IQGAP1: variants seen among roughly 807,000 people sequenced by gnomAD.
IQGAP1 encodes the protein IQ motif containing GTPase activating protein 1.
IQGAP1 carries 66 observed loss-of-function variants against 215.6 expected under a neutral mutation model. That is an observed-to-expected ratio of 0.31 (90% CI 0.25 to 0.38). The LOEUF is 0.38. Among genes scored for constraint, IQGAP1 ranks in the 10% least tolerant of loss-of-function variants. The probability of loss-of-function intolerance (pLI) is 1.00; values close to 1 mark genes in which losing one functional copy is unlikely to be tolerated. For missense variants in IQGAP1, 1,712 were observed against 1,997.1 expected (o/e 0.86, Z 2.72); for synonymous variants, 772 against 728.7 (o/e 1.06, Z -0.96).
chr15:90,492,038 C>CTT (rs1248887574), intron 34 of IQGAP1, among the ~76,000 whole-genome samples: 1 of 152,146 alleles, frequency 6.6e-6, no homozygotes, highest in Admixed American at 6.5e-5. Flanking sequence ...TCCAAACCAG[C>CTT]TTTGCAAGTA....
At chr15:90,468,217 C>T (rs558507071) in intron 18 of IQGAP1, among the ~76,000 whole-genome samples, 1 of 152,104 alleles carries the variant, frequency 6.6e-6, no homozygotes, top group Non-Finnish European at 1.5e-5. Context: ...TACAGGCATG[C>T]ACCACACCTG....
At chr15:90,497,458 G>C in intron 37 of IQGAP1, 118 bp downstream of exon 37, 1 of 614,140 alleles carries the variant, frequency 1.6e-6, no homozygotes, top group East Asian at 2.8e-5. Context: ...CAGTGAGCTA[G>C]GCTCCACACT....
chr15:90,396,419 A>T (rs1964719676), intron 2 of IQGAP1, among the ~76,000 whole-genome samples: 1 of 152,104 alleles, frequency 6.6e-6, no homozygotes. Context: ...TTTGAGGGGG[A>T]TCATTTTTAG....
intron 15 of IQGAP1, among the ~76,000 whole-genome samples, chr15:90,457,796 T>C (rs1965707081): frequency 6.6e-6 from 1 of 152,130 alleles, no homozygotes; most frequent in Non-Finnish European, 1.5e-5. Flanking sequence ...TATATGTGCA[T>C]TTCTGTTAGG....
chr15:90,389,829 T>TGCCTGTGGTCCCAGCTGCTTGG lies in IQGAP1; in HGVS notation c.56-943_56-922dup, dbSNP rs1464583496. On this transcript the variant is annotated intron_variant, in intron 1 of 37. Transcript: ENST00000268182. ...AAAATTAGCCAGGCGTGGTGGCCCA[T>TGCCTGTGGTCCCAGCTGCTTGG]GCCTGTGGTCCCAGCTGCTTGGGGC... is the stretch of plus-strand genomic sequence containing the variant. Among the ~76,000 whole-genome samples the TGCCTGTGGTCCCAGCTGCTTGG allele has an allele frequency of 1.1e-4, 17 of 149,796 alleles. 1 individual carries two copies. The highest frequency in any genetic ancestry group is 4.2e-4 in the African/African-American group (17 of 40,756).
At chr15:90,495,934 A>G (rs1380064317) in intron 36 of IQGAP1, among the ~76,000 whole-genome samples, 1 of 149,188 alleles carries the variant, frequency 6.7e-6, no homozygotes, top group Non-Finnish European at 1.5e-5. Context: ...TGTTATTATT[A>G]TTATTATTAT....
intron 5 of IQGAP1, among the ~76,000 whole-genome samples, chr15:90,435,674 C>T (rs1596264985): frequency 1.3e-5 from 2 of 152,286 alleles, no homozygotes; most frequent in South Asian, 2.1e-4. Flanking sequence ...TGCAGTGTAA[C>T]CTGGGTTCCA....
intron 3 of IQGAP1, among the ~76,000 whole-genome samples, chr15:90,428,364 A>C (rs1297705915): frequency 6.6e-6 from 1 of 152,148 alleles, no homozygotes; most frequent in Non-Finnish European, 1.5e-5. Flanking sequence ...GGCATGAGCC[A>C]CTGTGCCCAG....
intron 29 of IQGAP1, among the ~76,000 whole-genome samples, chr15:90,483,924 T>C (rs745574810): frequency 7.9e-5 from 12 of 152,234 alleles, no homozygotes; most frequent in Non-Finnish European, 1.3e-4. Flanking sequence ...AATTCAGTGC[T>C]TCAGAGCACT....
chr15:90,388,971 T>C (rs950399073), intron 1 of IQGAP1, among the ~76,000 whole-genome samples: 22 of 152,190 alleles, frequency 1.4e-4, no homozygotes, highest in Admixed American at 1.4e-3. Context: ...CAGAAAATCC[T>C]CTGACTTCCT....
At chr15:90,495,993 T>C (rs1966267712) in intron 36 of IQGAP1, among the ~76,000 whole-genome samples, 1 of 151,082 alleles carries the variant, frequency 6.6e-6, no homozygotes, top group African/African-American at 2.4e-5. Flanking sequence ...TTCAAGTGCC[T>C]ACCTCTATTT....
chr15:90,424,449 G>A (rs1393336295), intron 2 of IQGAP1, among the ~76,000 whole-genome samples: 1 of 152,188 alleles, frequency 6.6e-6, no homozygotes, highest in Non-Finnish European at 1.5e-5. Flanking sequence ...TCGAGTATAG[G>A]AAACAACCAG....
intron 2 of IQGAP1, among the ~76,000 whole-genome samples, chr15:90,423,166 G>A (rs1965172413): frequency 6.6e-6 from 1 of 152,126 alleles, no homozygotes. Context: ...CTTGGAATTC[G>A]AGTAGAATCC....
At chr15:90,396,004 A>G (rs903754444) in intron 2 of IQGAP1, among the ~76,000 whole-genome samples, 1 of 152,180 alleles carries the variant, frequency 6.6e-6, no homozygotes, top group East Asian at 1.9e-4. Flanking sequence ...CCCCTCTTGT[A>G]GAAGGGAAGG....
intron 28 of IQGAP1, chr15:90,482,581 G>T (rs62021773): frequency 0.12 from 50,939 of 419,506 alleles, 3,398 homozygotes; most frequent in Non-Finnish European, 0.14. Context: ...GTGACCTGGC[G>T]AATAGTAGCA....
chr15:90,491,320 T>A lies in IQGAP1; in HGVS notation c.4249-13T>A, dbSNP rs777264337. On this transcript the variant is annotated splice_polypyrimidine_tract_variant and intron_variant, in intron 33 of 37. Transcript: ENST00000268182. ...TGGTAAACTTGCTAAGAACTTCTTT[T>A]TCCCATCCGTAGGAAGCAGAACATC... The A allele has an allele frequency of 2.0e-5, 33 of 1,611,474 alleles. No homozygotes were observed. The highest frequency in any genetic ancestry group is 2.7e-5 in the Non-Finnish European group (32 of 1,178,238).
At chr15:90,419,331 C>T (rs994262198) in intron 2 of IQGAP1, among the ~76,000 whole-genome samples, 14 of 152,256 alleles carry the variant, frequency 9.2e-5, no homozygotes, top group Middle Eastern at 3.4e-3. Flanking sequence ...TATTTGGCTT[C>T]ATGTCTGCCA....
chr15:90,457,572 G>A (rs969816880), intron 15 of IQGAP1, among the ~76,000 whole-genome samples: 3 of 150,928 alleles, frequency 2.0e-5, no homozygotes, highest in Non-Finnish European at 3.0e-5. Flanking sequence ...GATTACAGGC[G>A]AGAGCCACCA....
At chr15:90,492,825 G>A (rs1966224762) in intron 35 of IQGAP1, 114 bp downstream of exon 35, 1 of 767,808 alleles carries the variant, frequency 1.3e-6, no homozygotes, top group Non-Finnish European at 2.0e-6. Context: ...TCTATTTATT[G>A]CATTAGTCTT....
Sources: allele counts gnomAD v4.1 joint callset (sites outside exome capture counted in the v4.1 genomes callset), GRCh38; gene constraint gnomAD v4.1.1; transcripts MANE v1.5; gene names NCBI Gene and HGNC (gene_info 2026-07-23, HGNC 2026-07-21).